The following LINGO2 variants were observed in gnomAD, a reference collection of about 807,000 sequenced individuals.
LINGO2 encodes leucine rich repeat and Ig domain containing 2.
A neutral mutation model predicts 30.6 loss-of-function variants in LINGO2; 14 were observed. That is an observed-to-expected ratio of 0.46 (90% CI 0.30 to 0.72). The LOEUF is 0.72. Among genes scored for constraint, LINGO2 ranks in the 30% least tolerant of loss-of-function variants. The pLI is 0.07. For missense variants in LINGO2, 729 were observed against 751.7 expected (o/e 0.97, Z 0.35); for synonymous variants, 317 against 288.5 (o/e 1.10, Z -1.00).
At chr9:29,193,495 C>G in the LINGO2 span, among the ~76,000 whole-genome samples, 5 of 152,132 alleles carry the variant, frequency 3.3e-5, no homozygotes, top group African/African-American at 1.2e-4. Flanking sequence ...AGCTTATTGA[C>G]TTTCAAGGGG....
intron 1 of LINGO2, among the ~76,000 whole-genome samples, chr9:28,561,567 T>G (rs931136872): frequency 3.6e-5 from 5 of 138,356 alleles, no homozygotes; most frequent in African/African-American, 8.6e-5. Flanking sequence ...AATAGATTTA[T>G]ATATAATATA....
chr9:28,897,498 G>A, the LINGO2 span, among the ~76,000 whole-genome samples: 1 of 152,060 alleles, frequency 6.6e-6, no homozygotes, highest in East Asian at 1.9e-4. Context: ...TAAGTTCTCT[G>A]CTATCTCTTG....
At chr9:29,107,499 G>C in the LINGO2 span, among the ~76,000 whole-genome samples, 2 of 151,980 alleles carry the variant, frequency 1.3e-5, no homozygotes, top group African/African-American at 4.8e-5. Context: ...AATATAAAAG[G>C]CTATCAAAGT....
At chr9:29,101,151 G>A in the LINGO2 span, among the ~76,000 whole-genome samples, 35,765 of 151,816 alleles carry the variant, frequency 0.24, 4,298 homozygotes, top group East Asian at 0.4. Flanking sequence ...ATTTATTAGG[G>A]GTTAGAAAAA....
the LINGO2 span, among the ~76,000 whole-genome samples, chr9:28,834,568 A>G: frequency 4.6e-5 from 7 of 152,304 alleles, no homozygotes; most frequent in South Asian, 8.3e-4. Flanking sequence ...ATTATAATTA[A>G]TAACACCTGG....
At chr9:28,280,486 A>C (rs1191055531) in intron 4 of LINGO2, among the ~76,000 whole-genome samples, 1 of 152,146 alleles carries the variant, frequency 6.6e-6, no homozygotes, top group Non-Finnish European at 1.5e-5. Context: ...TTAACATTTC[A>C]AATATCTATG....
At chr9:28,268,021 C>T (rs896863771) in intron 4 of LINGO2, among the ~76,000 whole-genome samples, 3 of 152,152 alleles carry the variant, frequency 2.0e-5, no homozygotes, top group Non-Finnish European at 2.9e-5. Context: ...TAATGCCTTA[C>T]AACATAGTAT....
chr9:28,778,884 A>G, the LINGO2 span, among the ~76,000 whole-genome samples: 1 of 152,210 alleles, frequency 6.6e-6, no homozygotes, highest in South Asian at 2.1e-4. Context: ...AATACATGGA[A>G]GCATTAGATT....
At chr9:28,923,434 G>A in the LINGO2 span, among the ~76,000 whole-genome samples, 1 of 152,078 alleles carries the variant, frequency 6.6e-6, no homozygotes, top group African/African-American at 2.4e-5. Flanking sequence ...ACAAATTTCT[G>A]TTTAGAAGCT....
At chr9:28,178,144 ACTGG>A in intron 4 of LINGO2, among the ~76,000 whole-genome samples, 1 of 152,246 alleles carries the variant, frequency 6.6e-6, no homozygotes, top group South Asian at 2.1e-4. Context: ...GCTGAAACTG[ACTGG>A]CAAAACATTG....
At chr9:27,985,910 T>G (rs1821102046) in intron 5 of LINGO2, among the ~76,000 whole-genome samples, 1 of 151,870 alleles carries the variant, frequency 6.6e-6, no homozygotes, top group Non-Finnish European at 1.5e-5. Flanking sequence ...GTCATTCTGA[T>G]GGACTGGAAC....
At chr9:29,116,423 T>G in the LINGO2 span, among the ~76,000 whole-genome samples, 6 of 151,902 alleles carry the variant, frequency 3.9e-5, no homozygotes, top group Admixed American at 3.3e-4. Context: ...AAAATCCATA[T>G]AATTTGTATT....
chr9:28,558,157 A>G (rs573900793), intron 1 of LINGO2, among the ~76,000 whole-genome samples: 18 of 148,924 alleles, frequency 1.2e-4, no homozygotes, highest in African/African-American at 2.3e-4. Flanking sequence ...AAAAATAAAA[A>G]TAGAATAAAA....
At chr9:28,632,683 A>G (rs1165533858) in intron 1 of LINGO2, among the ~76,000 whole-genome samples, 6 of 105,436 alleles carry the variant, frequency 5.7e-5, no homozygotes, top group Admixed American at 2.1e-4. Flanking sequence ...TCTATATAAA[A>G]ATATATTTAT....
intron 1 of LINGO2, among the ~76,000 whole-genome samples, chr9:28,555,730 T>C (rs1822630611): frequency 6.6e-6 from 1 of 152,106 alleles, no homozygotes; most frequent in Admixed American, 6.5e-5. Context: ...TTGATGAACA[T>C]TGATGCAAAA....
the LINGO2 span, among the ~76,000 whole-genome samples, chr9:29,211,669 A>C: frequency 6.6e-6 from 1 of 152,184 alleles, no homozygotes; most frequent in Non-Finnish European, 1.5e-5. Flanking sequence ...GAAATCAGCA[A>C]AATGCTGAAT....
chr9:28,005,102 A>T (rs1822196620), intron 5 of LINGO2, among the ~76,000 whole-genome samples: 1 of 152,174 alleles, frequency 6.6e-6, no homozygotes, highest in East Asian at 1.9e-4. Flanking sequence ...TTCCCTTGGA[A>T]AAAGGGAAAT....
intron 2 of LINGO2, among the ~76,000 whole-genome samples, chr9:28,467,477 A>T (rs1292467258): frequency 6.6e-6 from 1 of 152,160 alleles, no homozygotes; most frequent in African/African-American, 2.4e-5. Flanking sequence ...TAGTCATTGG[A>T]ATTCTTCTTT....
the LINGO2 span, among the ~76,000 whole-genome samples, chr9:29,110,110 C>T: frequency 6.9e-6 from 1 of 144,550 alleles, no homozygotes; most frequent in Admixed American, 7.0e-5. Context: ...ATGGTTAGTG[C>T]TTGTATATGC....
Sources: gnomAD v4.1 joint callset for allele counts (sites outside exome capture counted in the v4.1 genomes callset) on GRCh38, gnomAD v4.1.1 for gene constraint, MANE v1.5 for transcripts, NCBI Gene and HGNC (gene_info 2026-07-23, HGNC 2026-07-21) for gene names.